Variants in TENM2 observed in about 807,000 individuals in gnomAD.
TENM2 encodes the protein teneurin transmembrane protein 2.
In TENM2, 52 loss-of-function variants were observed where a neutral mutation model predicts 245.2. The ratio of observed to expected loss-of-function variants is 0.21; its 90% confidence interval spans 0.17 to 0.27. TENM2 has a LOEUF of 0.27. Among genes scored for constraint, TENM2 ranks in the 10% least tolerant of loss-of-function variants. TENM2 has a pLI of 1.00. For synonymous variants in TENM2, 1,363 were observed against 1,438.9 expected (o/e 0.95, Z 1.19); for missense variants, 3,046 against 3,666.8 (o/e 0.83, Z 4.37).
chr5:168,216,183 A>G (rs1033956439), intron 21 of TENM2, among the ~76,000 whole-genome samples: 5 of 152,192 alleles, frequency 3.3e-5, no homozygotes, highest in Non-Finnish European at 7.3e-5. Flanking sequence ...CAAAATAAAT[A>G]GAAGCCATAT....
At chr5:167,228,246 T>C in the TENM2 span, among the ~76,000 whole-genome samples, 2 of 151,918 alleles carry the variant, frequency 1.3e-5, no homozygotes, top group East Asian at 3.9e-4. Flanking sequence ...GCCAGGCTGG[T>C]CTCGAACTCC....
intron 2 of TENM2, among the ~76,000 whole-genome samples, chr5:167,404,122 A>T (rs1405313780): frequency 6.6e-6 from 1 of 152,058 alleles, no homozygotes; most frequent in African/African-American, 2.4e-5. Flanking sequence ...AAACCAATTT[A>T]ACTCTCAAGA....
intron 3 of TENM2, among the ~76,000 whole-genome samples, chr5:167,941,740 C>T (rs1301711951): frequency 1.3e-5 from 2 of 151,314 alleles, no homozygotes; most frequent in African/African-American, 4.9e-5. Context: ...TGTAGTCCCA[C>T]CTACTTGGAA....
chr5:167,532,737 C>T (rs1465793675), intron 2 of TENM2, among the ~76,000 whole-genome samples: 2 of 150,672 alleles, frequency 1.3e-5, no homozygotes, highest in African/African-American at 4.9e-5. Flanking sequence ...CACATATATA[C>T]ACACACCCAT....
At chr5:166,989,252 C>CTTTTTTT in the TENM2 span, among the ~76,000 whole-genome samples, 3 of 56,960 alleles carry the variant, frequency 5.3e-5, no homozygotes, top group Non-Finnish European at 8.8e-5. Flanking sequence ...CCAAGCTAAT[C>CTTTTTTT]TTTTTTTTTT....
chr5:168,260,246 T>C (rs748381078), intron 27 of TENM2, 37 bp from the exon 30 acceptor site: 1 of 1,612,244 alleles, frequency 6.2e-7, no homozygotes, highest in Non-Finnish European at 8.5e-7. Context: ...CCATCCATCA[T>C]GATTTCAGAA....
chr5:167,719,775 C>T (rs962399805), intron 2 of TENM2, among the ~76,000 whole-genome samples: 2 of 152,160 alleles, frequency 1.3e-5, no homozygotes, highest in African/African-American at 2.4e-5. Context: ...GTTTTGTACA[C>T]GTGGGTGAGT....
intron 12 of TENM2, among the ~76,000 whole-genome samples, chr5:168,139,883 A>G (rs1051824134): frequency 9.2e-5 from 14 of 152,164 alleles, no homozygotes; most frequent in African/African-American, 3.4e-4. Context: ...GAGGCCAGAT[A>G]TTTGGATTGT....
chr5:168,198,778 G>T, intron 15 of TENM2, 75 bp from the exon 18 acceptor site: 1 of 1,544,746 alleles, frequency 6.5e-7, no homozygotes, highest in Non-Finnish European at 8.8e-7. Context: ...ATGGCCATCA[G>T]GGGAGGAGGA....
At chr5:167,290,508 G>A (rs534743995) in intron 1 of TENM2, among the ~76,000 whole-genome samples, 1 of 152,216 alleles carries the variant, frequency 6.6e-6, no homozygotes, top group South Asian at 2.1e-4. Flanking sequence ...TAATACTTTG[G>A]TGCAACAGAA....
At chr5:168,024,147 T>A (rs1786405699) in intron 5 of TENM2, among the ~76,000 whole-genome samples, 1 of 152,138 alleles carries the variant, frequency 6.6e-6, no homozygotes, top group Admixed American at 6.5e-5. Context: ...TCATACCCCA[T>A]GCATGAGTTC....
intron 2 of TENM2, among the ~76,000 whole-genome samples, chr5:167,460,024 T>C (rs1452214924): frequency 6.6e-6 from 1 of 151,992 alleles, no homozygotes; most frequent in Non-Finnish European, 1.5e-5. Context: ...ATACGACACA[T>C]TGAGTGGAAG....
chr5:167,141,172 G>A, the TENM2 span, among the ~76,000 whole-genome samples: 371 of 152,224 alleles, frequency 2.4e-3, 4 homozygotes, highest in African/African-American at 7.7e-3. Flanking sequence ...ACTGCGATTC[G>A]CTTCATGCAT....
At chr5:167,932,926 G>C (rs980193265) in intron 3 of TENM2, among the ~76,000 whole-genome samples, 1 of 152,140 alleles carries the variant, frequency 6.6e-6, no homozygotes, top group Non-Finnish European at 1.5e-5. Flanking sequence ...ATTGAAAAGA[G>C]CTAAACTCTA....
At chr5:168,055,951 A>G (rs1789508663) in intron 6 of TENM2, among the ~76,000 whole-genome samples, 1 of 152,240 alleles carries the variant, frequency 6.6e-6, no homozygotes, top group Non-Finnish European at 1.5e-5. Context: ...ATATTCAGCT[A>G]GACCTTAAAA....
the TENM2 span, among the ~76,000 whole-genome samples, chr5:167,059,361 G>A: frequency 3.9e-5 from 6 of 152,134 alleles, no homozygotes; most frequent in African/African-American, 9.7e-5. Flanking sequence ...GGGTGATAAT[G>A]TTCCTATTCA....
At chr5:167,369,464 A>G (rs1760272376) in intron 1 of TENM2, among the ~76,000 whole-genome samples, 1 of 143,220 alleles carries the variant, frequency 7.0e-6, no homozygotes, top group Non-Finnish European at 1.5e-5. Context: ...TTTTTTTTGC[A>G]TAATTTTTCT....
At chr5:167,571,797 T>G (rs1383235444) in intron 2 of TENM2, among the ~76,000 whole-genome samples, 2 of 152,212 alleles carry the variant, frequency 1.3e-5, no homozygotes, top group African/African-American at 2.4e-5. Flanking sequence ...AACTGGGTCT[T>G]TATTTTTATT....
intron 2 of TENM2, among the ~76,000 whole-genome samples, chr5:167,831,391 T>C (rs763268156): frequency 3.3e-5 from 5 of 151,744 alleles, no homozygotes; most frequent in South Asian, 2.1e-4. Flanking sequence ...TGAGGTCTTA[T>C]AGGGCCCATG....
Sources: allele counts gnomAD v4.1 joint callset (sites outside exome capture counted in the v4.1 genomes callset), GRCh38; gene constraint gnomAD v4.1.1; transcripts MANE v1.5; gene names NCBI Gene and HGNC (gene_info 2026-07-23, HGNC 2026-07-21).